Variants in ARHGEF3 observed in about 807,000 individuals in gnomAD.
ARHGEF3 encodes the protein Rho guanine nucleotide exchange factor 3.
ARHGEF3 carries 28 observed loss-of-function variants against 63.2 expected under a neutral mutation model. The observed-to-expected ratio is 0.44, with a 90% CI of 0.33 to 0.61. The LOEUF (loss-of-function observed/expected upper bound fraction) is 0.61, where lower values mean the gene tolerates loss of function less well. Among genes scored for constraint, ARHGEF3 ranks in the 20% least tolerant of loss-of-function variants. The pLI is 0.03. For missense variants in ARHGEF3, 533 were observed against 659.3 expected (o/e 0.81, Z 2.10); for synonymous variants, 266 against 254.2 (o/e 1.05, Z -0.44).
chr3:57,021,936 T>C (rs1703277104), intron 2 of ARHGEF3, among the ~76,000 whole-genome samples: 1 of 151,964 alleles, frequency 6.6e-6, no homozygotes, highest in Admixed American at 6.6e-5. Flanking sequence ...TGCAAAACTA[T>C]TAGAGCAAAC....
chr3:57,018,886 T>A (rs1703130433), intron 2 of ARHGEF3, among the ~76,000 whole-genome samples: 1 of 152,072 alleles, frequency 6.6e-6, no homozygotes, highest in Non-Finnish European at 1.5e-5. Context: ...CCCAAGGTCA[T>A]AAAACAAAGA....
chr3:56,734,471 T>C (rs533037441), intron 8 of ARHGEF3, among the ~76,000 whole-genome samples: 54 of 152,100 alleles, frequency 3.6e-4, no homozygotes, highest in Non-Finnish European at 4.1e-4. Flanking sequence ...TCCTATCGAG[T>C]ACTATGTTAC....
chr3:56,802,754 G>C (rs1398865491), upstream of ARHGEF3, among the ~76,000 whole-genome samples: 1 of 152,140 alleles, frequency 6.6e-6, no homozygotes, highest in Non-Finnish European at 1.5e-5. Flanking sequence ...GAGAAACAAT[G>C]ACATTATAAA....
At chr3:56,977,309 C>T (rs1359541119) in intron 2 of ARHGEF3, 1 of 456,714 alleles carries the variant, frequency 2.2e-6, no homozygotes, top group African/African-American at 2.0e-5. Context: ...CCATCTAAAG[C>T]ACAGGGCAGA....
chr3:57,016,575 G>T (rs1703013639), intron 2 of ARHGEF3, among the ~76,000 whole-genome samples: 1 of 151,990 alleles, frequency 6.6e-6, no homozygotes. Context: ...ACAAAAAGGA[G>T]ATCAAATCAC....
chr3:56,802,060 G>A (rs1198318391), upstream of ARHGEF3: 8 of 1,304,452 alleles, frequency 6.1e-6, no homozygotes, highest in East Asian at 6.5e-5. Context: ...CCCACGTGCC[G>A]CAGCGCGGAC....
At chr3:56,805,050 G>C (rs1486213474), upstream of ARHGEF3, among the ~76,000 whole-genome samples, 1 of 152,128 alleles carries the variant, frequency 6.6e-6, no homozygotes, top group Admixed American at 6.5e-5. Flanking sequence ...TTGACTCCCA[G>C]AAGAGCTTGC....
At chr3:56,928,439 T>C (rs1644894031) in intron 3 of ARHGEF3, among the ~76,000 whole-genome samples, 1 of 152,176 alleles carries the variant, frequency 6.6e-6, no homozygotes. Context: ...AAAACACTCC[T>C]TAATGTCCCT....
intron 2 of ARHGEF3, among the ~76,000 whole-genome samples, chr3:56,978,191 C>A (rs1210916447): frequency 6.6e-6 from 1 of 152,164 alleles, no homozygotes; most frequent in Non-Finnish European, 1.5e-5. Flanking sequence ...TGTCACTGGA[C>A]AAAACACCTT....
Position 56,732,389 on chromosome 3 carries a change from C to G in ARHGEF3, c.1077G>C (p.Val359=). Residue 359 remains valine (V), a synonymous_variant, in exon 9 of 10, where the codon GTG becomes GTC. Coordinates refer to ENST00000296315, the MANE Select transcript of ARHGEF3 (RefSeq NM_019555.3). ...CATTGTGGGTGACGGCTCGAGTGAT[C>G]ACAAGCACTTCTTGGAACAGGAAAA... ...LHVFLFQEVL[V]ITRAVTHNEQ... 6.2e-7 allele frequency: 1 copy of G among 1,614,118 alleles called. No individual in the cohort carries two copies. The highest frequency in any genetic ancestry group is 8.5e-7 in the Non-Finnish European group (1 of 1,180,032).
At chr3:56,903,226 C>A (rs1044959827) in intron 3 of ARHGEF3, among the ~76,000 whole-genome samples, 1 of 152,068 alleles carries the variant, frequency 6.6e-6, no homozygotes, top group South Asian at 2.1e-4. Flanking sequence ...AAGCAAGATG[C>A]CATTTCACAC....
intron 2 of ARHGEF3, chr3:57,007,374 C>CG (rs1560127399): frequency 7.8e-7 from 1 of 1,288,356 alleles, no homozygotes. Context: ...CACCACTGCA[C>CG]GTGCCTTCTG....
At chr3:56,809,514 C>G (rs939220109) in intron 4 of ARHGEF3, among the ~76,000 whole-genome samples, 1 of 152,058 alleles carries the variant, frequency 6.6e-6, no homozygotes, top group African/African-American at 2.4e-5. Context: ...AAAAACCTGT[C>G]TCACTGAAGA....
chr3:56,803,467 T>C (rs1671590960), upstream of ARHGEF3, among the ~76,000 whole-genome samples: 1 of 140,668 alleles, frequency 7.1e-6, no homozygotes, highest in East Asian at 2.1e-4. Context: ...AAGAAAGAAA[T>C]AGAGGAAGGA....
intron 6 of ARHGEF3, among the ~76,000 whole-genome samples, chr3:56,750,281 A>C (rs1365280779): frequency 3.3e-5 from 5 of 152,226 alleles, no homozygotes; most frequent in South Asian, 2.1e-4. Context: ...AGGCAAAATA[A>C]GAGCACACGC....
chr3:57,050,531 G>A (rs891777850), intron 1 of ARHGEF3, among the ~76,000 whole-genome samples: 2 of 152,112 alleles, frequency 1.3e-5, no homozygotes, highest in Admixed American at 6.5e-5. Context: ...GAATTGGGGG[G>A]TCAGTTGTTG....
intron 3 of ARHGEF3, among the ~76,000 whole-genome samples, chr3:56,934,141 G>A (rs991343414): frequency 2.6e-5 from 4 of 152,152 alleles, no homozygotes; most frequent in African/African-American, 9.7e-5. Flanking sequence ...TGTGAAAATG[G>A]ACTAATACAT....
chr3:56,822,610 T>G (rs1031178739), intron 4 of ARHGEF3, among the ~76,000 whole-genome samples: 3 of 152,080 alleles, frequency 2.0e-5, no homozygotes, highest in Non-Finnish European at 2.9e-5. Context: ...CCTATAATCC[T>G]AGCACTTTGG....
intron 2 of ARHGEF3, among the ~76,000 whole-genome samples, chr3:56,992,414 A>AAAAAAC (rs1701798956): frequency 7.8e-6 from 1 of 127,536 alleles, no homozygotes; most frequent in Non-Finnish European, 1.6e-5. Context: ...AAAAAAAAAA[A>AAAAAAC]CAGAAAGAAG....
Sources: allele counts gnomAD v4.1 joint callset (sites outside exome capture counted in the v4.1 genomes callset), GRCh38; gene constraint gnomAD v4.1.1; transcripts MANE v1.5; gene names NCBI Gene and HGNC (gene_info 2026-07-23, HGNC 2026-07-21).